The following SGPL1 variants were observed in gnomAD, a reference collection of about 807,000 sequenced individuals.
SGPL1 encodes the protein SP-lyase 1.
Under a neutral mutation model 68.9 loss-of-function variants are expected in SGPL1, and 37 were observed. The ratio of observed to expected loss-of-function variants is 0.54; its 90% CI spans 0.41 to 0.71. The LOEUF is 0.71. SGPL1 is among the 30% of genes least tolerant of loss of function. SGPL1 has a pLI of 0.00. For synonymous variants in SGPL1, 236 were observed against 248.5 expected (o/e 0.95, Z 0.47); for missense variants, 551 against 704.6 (o/e 0.78, Z 2.47).
intron 1 of SGPL1, 133 bp from the exon 2 acceptor site, chr10:70,816,678 G>A: frequency 1.4e-6 from 1 of 726,850 alleles, no homozygotes; most frequent in Non-Finnish European, 2.5e-6. Flanking sequence ...GGGGTGGACT[G>A]TGATATCTGG....
chr10:70,844,244 G>T (rs2131884547), intron 2 of SGPL1, among the ~76,000 whole-genome samples: 1 of 152,254 alleles, frequency 6.6e-6, no homozygotes, highest in Middle Eastern at 3.4e-3. Context: ...ATAGGCACAA[G>T]ATTGAAAATA....
chr10:70,868,385 A>G lies in SGPL1; in HGVS notation c.656A>G (p.Lys219Arg). The stretch of plus-strand genomic sequence containing the variant: ...ACAGAAAGCATACTGATGGCCTGCA[A>G]AGCATATCGGGATCTGGCCTTTGAG... Reference protein sequence around the residue: ...GGTESILMACKAYRDLAFEKG... With the variant: ...GGTESILMACRAYRDLAFEKG... The change falls in exon 8 of 15, where the codon AAA becomes AGA. Residue 219 changes from lysine (K) to arginine (R), a missense_variant. Transcript: ENST00000373202. 6.2e-7 allele frequency: 1 copy of G among 1,613,870 alleles called. No individual in the cohort carries two copies. Among genetic ancestry groups the G allele is most frequent in the Non-Finnish European group, 8.5e-7 (1 of 1,179,862 alleles).
Position 70,877,865 on chromosome 10 carries a change from A to T in SGPL1, c.*530A>T, listed in dbSNP as rs1343355622. On this transcript the variant is annotated 3_prime_UTR_variant, in exon 15 of 15. Coordinates refer to ENST00000373202, the MANE Select transcript of SGPL1 (RefSeq NM_003901.4). ...AATTTTGCTCTTTTGCCCAGTCTGGAGTGCAGTGGCATGATCTCAGCTCAC... is the reference window on the plus strand; with the variant it reads ...AATTTTGCTCTTTTGCCCAGTCTGGTGTGCAGTGGCATGATCTCAGCTCAC... 8.3e-6 allele frequency: 1 copy of T among 120,724 alleles called. No homozygotes were observed. Among genetic ancestry groups the T allele is most frequent in the African/African-American group, 3.2e-5 (1 of 30,832 alleles). 7.5% of individuals were successfully genotyped at this position (120,724 alleles called of 1,614,324 possible).
chr10:70,835,604 C>T lies in SGPL1; in HGVS notation c.28-8869C>T, dbSNP rs377541320. ...ACAAAAAATTAGCTGGGAGTGGTGG[C>T]GGGTGCCTGTAGTCCCAGCTACTTG... On this transcript the variant is annotated intron_variant, in intron 2 of 14. Transcript: ENST00000373202. Among the ~76,000 whole-genome samples, 92 of 151,864 alleles carry T rather than the reference C, an allele frequency of 6.1e-4. 2 individuals carry two copies. The South Asian group carries it at 0.017, about 29-fold the overall frequency.
In SGPL1 at chr10:70,879,968, C is replaced by T. The variant is rs368124168; in HGVS notation, c.*2633C>T. The T allele has an allele frequency of 2.4e-4, 36 of 152,698 alleles. No homozygotes were observed. The highest frequency in any genetic ancestry group is 6.3e-4 in the African/African-American group (26 of 41,536). 9.5% of individuals were successfully genotyped at this position (152,698 alleles called of 1,614,324 possible). A position where few individuals can be genotyped will look rare whatever the true frequency, so the allele number is the denominator to read the frequency against. On this transcript the variant is annotated 3_prime_UTR_variant, in exon 15 of 15. Transcript: ENST00000373202. Reference sequence around the variant, plus strand: ...TACTGCTATGTCACTTTTAATATTACGAGTTTTATACTTGGAAAATGGTAC... The same window carrying T: ...TACTGCTATGTCACTTTTAATATTATGAGTTTTATACTTGGAAAATGGTAC...
At chr10:70,828,638 T>G (rs1049252060) in intron 2 of SGPL1, among the ~76,000 whole-genome samples, 4 of 152,212 alleles carry the variant, frequency 2.6e-5, no homozygotes, top group Admixed American at 1.3e-4. Flanking sequence ...TTTTTGAGTA[T>G]GAAAAGGACC....
In SGPL1 at chr10:70,869,864, C is replaced by T; in HGVS notation, c.777C>T (p.Val259=). The T allele has an allele frequency of 6.2e-7, 1 of 1,614,034 alleles. No homozygotes were observed. Among genetic ancestry groups the T allele is most frequent in the African/African-American group, 1.3e-5 (1 of 75,026 alleles). The change falls in exon 9 of 15, where the codon GTC becomes GTT. Residue 259 remains valine (V), a synonymous_variant. Coordinates refer to ENST00000373202, the MANE Select transcript of SGPL1 (RefSeq NM_003901.4). ...ASYFGMKIVR[V]PLTKMMEVDV... is the part of the protein sequence containing the mutation. ...ACTTTGGGATGAAGATTGTGCGGGTCCCATTGACGAAGATGATGGAGGTGG... is the reference window on the plus strand; with the variant it reads ...ACTTTGGGATGAAGATTGTGCGGGTTCCATTGACGAAGATGATGGAGGTGG...
Position 70,877,359 on chromosome 10 carries a change from G to C in SGPL1, c.*24G>C. 1 of 1,613,234 alleles carries C rather than the reference G, an allele frequency of 6.2e-7. No homozygotes were observed. The highest frequency in any genetic ancestry group is 8.5e-7 in the Non-Finnish European group (1 of 1,179,226). ...GAACTTGGACCCTTTCTAGTCTCAAGGGGATTCCAGCCTTCAGAAGGTTCT... is the reference window on the plus strand; with the variant it reads ...GAACTTGGACCCTTTCTAGTCTCAACGGGATTCCAGCCTTCAGAAGGTTCT... On this transcript the variant is annotated 3_prime_UTR_variant, in exon 15 of 15. Transcript: ENST00000373202.
chr10:70,837,773 C>T (rs1238907869), intron 2 of SGPL1, among the ~76,000 whole-genome samples: 1 of 152,126 alleles, frequency 6.6e-6, no homozygotes, highest in Non-Finnish European at 1.5e-5. Context: ...GCTGTGATAG[C>T]AGAATACCAC....
At chr10:70,857,107 T>C (rs764622814) in intron 5 of SGPL1, 4 of 164,988 alleles carry the variant, frequency 2.4e-5, no homozygotes, top group Non-Finnish European at 3.9e-5. Context: ...TTATACCTCA[T>C]TGTGGTTTGT....
At chr10:70,875,654 G>A (rs1229827728) in intron 13 of SGPL1, 106 bp downstream of exon 13, 5 of 791,908 alleles carry the variant, frequency 6.3e-6, no homozygotes, top group Admixed American at 2.4e-5. Flanking sequence ...AGGCTAGCAC[G>A]TTAGTAGCAA....
chr10:70,854,734 G>A lies in SGPL1; in HGVS notation c.288G>A (p.Lys96=). The change falls in exon 5 of 15, where the codon AAG becomes AAA. Residue 96 remains lysine, a synonymous_variant. Transcript: ENST00000373202. ...TTCAAGACAAGTTGAACAAGACCAA[G>A]GATGATATTAGCAAGAACATGTCAT... is the stretch of plus-strand genomic sequence containing the variant. ...RKIQDKLNKT[K]DDISKNMSFL... 2 of 1,612,952 alleles carry A rather than the reference G, an allele frequency of 1.2e-6. No individual in the cohort carries two copies. The highest frequency in any genetic ancestry group is 1.7e-6 in the Non-Finnish European group (2 of 1,179,578).
At chr10:70,851,759 T>G (rs115366024) in intron 4 of SGPL1, among the ~76,000 whole-genome samples, 2,116 of 152,248 alleles carry the variant, frequency 0.014, 62 homozygotes, top group African/African-American at 0.047. Flanking sequence ...GCCATATCAT[T>G]TCTGTTGCAA....
chr10:70,817,306 A>T (rs1436378994), intron 2 of SGPL1, among the ~76,000 whole-genome samples: 1 of 152,248 alleles, frequency 6.6e-6, no homozygotes, highest in Non-Finnish European at 1.5e-5. Flanking sequence ...GGCGTGAGCC[A>T]CCGCGCCTGG....
intron 2 of SGPL1, among the ~76,000 whole-genome samples, chr10:70,843,149 C>A (rs1277319537): frequency 1.3e-5 from 2 of 152,174 alleles, no homozygotes; most frequent in Non-Finnish European, 2.9e-5. Context: ...TTATCTTTAT[C>A]CCTTCAGAGT....
At chr10:70,853,027 C>G (rs1845911979) in intron 4 of SGPL1, among the ~76,000 whole-genome samples, 1 of 152,192 alleles carries the variant, frequency 6.6e-6, no homozygotes. Context: ...TAATATACCT[C>G]TCTGTCACTT....
chr10:70,816,011 AG>A lies in SGPL1; in HGVS notation c.-155del. The A allele has an allele frequency of 6.6e-6, 1 of 151,094 alleles. No individual in the cohort carries two copies. Among genetic ancestry groups the A allele is most frequent in the South Asian group, 2.1e-4 (1 of 4,792 alleles). The allele number at this position is 151,094 out of a possible 1,614,324, so 9.4% of individuals were successfully genotyped here. ...CAATCTCGGCGGCGGCGGCGGCAAC[AG>A]GGGAGCCTGGGTCTCGCGGCCTGCG... On this transcript the variant is annotated 5_prime_UTR_variant, in exon 1 of 15. Transcript: ENST00000373202.
At chr10:70,873,271 T>C (rs1846324705) in intron 11 of SGPL1, 80 bp from the exon 12 acceptor site, 3 of 997,362 alleles carry the variant, frequency 3.0e-6, no homozygotes, top group Non-Finnish European at 4.8e-6. Context: ...AGGATTTCCT[T>C]TGCATGATGA....
At chr10:70,861,764 G>A (rs1212966763) in intron 7 of SGPL1, among the ~76,000 whole-genome samples, 1 of 152,248 alleles carries the variant, frequency 6.6e-6, no homozygotes, top group Admixed American at 6.5e-5. Context: ...CCGGCCCCGG[G>A]CAATGAGGGG....
Sources: gnomAD v4.1 joint callset for allele counts (sites outside exome capture counted in the v4.1 genomes callset) on GRCh38, gnomAD v4.1.1 for gene constraint, MANE v1.5 for transcripts, NCBI Gene and HGNC (gene_info 2026-07-23, HGNC 2026-07-21) for gene names.